The following ADIPOR2 variants were observed in gnomAD, a reference collection of about 807,000 sequenced individuals.
ADIPOR2 encodes the protein adiponectin receptor 2.
Under a neutral mutation model 40.9 loss-of-function variants are expected in ADIPOR2, and 18 were observed. That is an observed-to-expected ratio of 0.44 (90% CI 0.30 to 0.65). The LOEUF (loss-of-function observed/expected upper bound fraction) is 0.65, where lower values mean the gene tolerates loss of function less well. Ranked by LOEUF, ADIPOR2 falls within the 30% of genes least tolerant of loss-of-function variation. The pLI is 0.09. For missense variants in ADIPOR2, 283 were observed against 479.2 expected (o/e 0.59, Z 3.82); for synonymous variants, 165 against 166.4 (o/e 0.99, Z 0.06).
rs144149833 is a variant in ADIPOR2, at chr12:1,774,304, C to T, written c.291+1343C>T. The stretch of plus-strand genomic sequence containing the variant: ...ACAAATAAAACTCTAAATTTAACAG[C>T]AAATCAGAGAATAAATAGGGCAGGA... On this transcript the variant is annotated intron_variant, in intron 3 of 7. Coordinates refer to ENST00000357103, the MANE Select transcript of ADIPOR2 (RefSeq NM_024551.3). 3.9e-4 allele frequency among the ~76,000 whole-genome samples: 59 copies of T among 152,254 alleles called. No homozygotes were observed. The East Asian group carries it at 6.8e-3, about 17-fold the overall frequency.
chr12:1,710,661 C>T (rs564961901), intron 1 of ADIPOR2, among the ~76,000 whole-genome samples: 5 of 151,980 alleles, frequency 3.3e-5, no homozygotes, highest in Non-Finnish European at 7.3e-5. Flanking sequence ...TTCCTCTTTG[C>T]CTGTACTTCT....
At chr12:1,749,749 A>G (rs911126827) in intron 1 of ADIPOR2, among the ~76,000 whole-genome samples, 5 of 152,108 alleles carry the variant, frequency 3.3e-5, no homozygotes, top group East Asian at 3.8e-4. Context: ...GTATTAACCT[A>G]TAGAACAATT....
chr12:1,755,371 C>T lies in ADIPOR2; in HGVS notation c.171+857C>T, dbSNP rs185039844. 7.3e-4 allele frequency among the ~76,000 whole-genome samples: 111 copies of T among 152,256 alleles called. 1 individual carries two copies. The highest frequency in any genetic ancestry group is 2.4e-3 in the African/African-American group (101 of 41,536). On this transcript the variant is annotated intron_variant, in intron 2 of 7. Transcript: ENST00000357103. ...GATTATAGACGTGAACGACTGCGCC[C>T]GGCCTCTGCTGACTCTTAAAAGCGT...
chr12:1,774,141 TGAA>T (rs1862541115), intron 3 of ADIPOR2, among the ~76,000 whole-genome samples: 1 of 152,192 alleles, frequency 6.6e-6, no homozygotes. Flanking sequence ...AAATTTGGTG[TGAA>T]GAAATCTCTC....
At chr12:1,741,690 G>A (rs2154442936) in intron 1 of ADIPOR2, among the ~76,000 whole-genome samples, 1 of 152,296 alleles carries the variant, frequency 6.6e-6, no homozygotes, top group African/African-American at 2.4e-5. Flanking sequence ...TTCATAGTTT[G>A]CCATAGAGAA....
chr12:1,763,183 C>T (rs1005604113), intron 2 of ADIPOR2, among the ~76,000 whole-genome samples: 1 of 152,158 alleles, frequency 6.6e-6, no homozygotes, highest in Non-Finnish European at 1.5e-5. Flanking sequence ...AAACTAAATA[C>T]TTTAAAATTG....
At chr12:1,695,959 C>T (rs1041609365) in intron 1 of ADIPOR2, 8 of 152,338 alleles carry the variant, frequency 5.3e-5, no homozygotes, top group African/African-American at 1.9e-4. Flanking sequence ...CATCAAAGTT[C>T]TTCTTTTTTC....
At position 1,754,356 on chromosome 12, in the gene ADIPOR2, A is replaced by G; in HGVS notation, c.13A>G (p.Thr5Ala). 6.2e-7 allele frequency: 1 copy of G among 1,607,776 alleles called. No homozygotes were observed. Among genetic ancestry groups the G allele is most frequent in the Non-Finnish European group, 8.5e-7 (1 of 1,177,560 alleles). MNEPTENRLGCSRTP... is the reference protein window; with the variant it reads MNEPAENRLGCSRTP... ...GCTTGGGTATCCCATGAACGAGCCAACAGAAAACCGATTGGGGTGCAGCAG... is the reference window on the plus strand; with the variant it reads ...GCTTGGGTATCCCATGAACGAGCCAGCAGAAAACCGATTGGGGTGCAGCAG... Residue 5 changes from threonine (T) to alanine (A), a missense_variant, in exon 2 of 8, where the codon ACA becomes GCA. Physicochemically the swap from Thr to Ala is moderately conservative, Grantham distance 58. Transcript: ENST00000357103.
At chr12:1,703,863 GC>G (rs2094656044) in intron 1 of ADIPOR2, among the ~76,000 whole-genome samples, 1 of 151,970 alleles carries the variant, frequency 6.6e-6, no homozygotes, top group Non-Finnish European at 1.5e-5. Context: ...AGAGGCATGT[GC>G]CACCACACAT....
In ADIPOR2 at chr12:1,786,636, T is replaced by C. The variant is rs936305835; in HGVS notation, c.*564T>C. 6 of 153,048 alleles carry C rather than the reference T, an allele frequency of 3.9e-5. No homozygotes were observed. Among genetic ancestry groups the C allele is most frequent in the African/African-American group, 1.4e-4 (6 of 41,444 alleles). The allele number at this position is 153,048 out of a possible 1,614,324, so 9.5% of individuals were successfully genotyped here. A position where few individuals can be genotyped will look rare whatever the true frequency, so the allele number is the denominator to read the frequency against. On this transcript the variant is annotated 3_prime_UTR_variant, in exon 8 of 8. Transcript: ENST00000357103. ...AGGGAGGGAGAATTTTTGTATAGAA[T>C]GAAACATGCAAGTACCACACACTGT...
chr12:1,778,182 A>G (rs1417734224), intron 4 of ADIPOR2, 157 bp downstream of exon 4: 3 of 841,444 alleles, frequency 3.6e-6, no homozygotes, highest in Admixed American at 7.0e-5. Flanking sequence ...GTTTACTCGT[A>G]GTTTATCCTG....
At chr12:1,695,097 C>G (rs993755629) in intron 1 of ADIPOR2, among the ~76,000 whole-genome samples, 1 of 151,142 alleles carries the variant, frequency 6.6e-6, no homozygotes, top group Admixed American at 6.6e-5. Flanking sequence ...GGCTCTGCAG[C>G]CTCGACCTCC....
intron 1 of ADIPOR2, among the ~76,000 whole-genome samples, chr12:1,735,669 A>G (rs1184857015): frequency 3.3e-5 from 5 of 152,190 alleles, no homozygotes; most frequent in Non-Finnish European, 5.9e-5. Context: ...TCCCTGTCTT[A>G]TGCCAGTTTT....
intron 1 of ADIPOR2, among the ~76,000 whole-genome samples, chr12:1,737,841 G>A (rs770529776): frequency 1.1e-4 from 16 of 152,144 alleles, no homozygotes; most frequent in Non-Finnish European, 2.2e-4. Context: ...CGGAGCCACT[G>A]CGCCTGGCCC....
At position 1,740,259 on chromosome 12, in the gene ADIPOR2, C is replaced by G. The variant is rs543354221; in HGVS notation, c.-86-13999C>G. 7.9e-5 allele frequency among the ~76,000 whole-genome samples: 12 copies of G among 152,290 alleles called. No homozygotes were observed. In the East Asian group the frequency reaches 2.1e-3, roughly 27 times the overall value. ...ATTGAAAGCCAAGTGTATTGATTTG[C>G]TAGGCCTGCCATAAAGTACTGCAGA... On this transcript the variant is annotated intron_variant, in intron 1 of 7. Coordinates refer to ENST00000357103, the MANE Select transcript of ADIPOR2 (RefSeq NM_024551.3).
chr12:1,780,801 G>A (rs915604361), intron 5 of ADIPOR2, 88 bp from the exon 6 acceptor site: 1 of 1,397,904 alleles, frequency 7.2e-7, no homozygotes, highest in African/African-American at 1.5e-5. Flanking sequence ...GTCGTTGATG[G>A]CTTATGTCAT....
At chr12:1,711,801 A>C (rs918944291) in intron 1 of ADIPOR2, among the ~76,000 whole-genome samples, 1 of 151,814 alleles carries the variant, frequency 6.6e-6, no homozygotes, top group African/African-American at 2.4e-5. Context: ...TCCTTTCAGC[A>C]GTGTAAGACT....
Position 1,757,693 on chromosome 12 carries a change from C to T in ADIPOR2, c.171+3179C>T, listed in dbSNP as rs941280626. On this transcript the variant is annotated intron_variant, in intron 2 of 7. Transcript: ENST00000357103. ...AGGTGTAATAGGATGTACAGCAAAGCGACCCTTGGTGTCATAGATGAGACG... is the reference window on the plus strand; with the variant it reads ...AGGTGTAATAGGATGTACAGCAAAGTGACCCTTGGTGTCATAGATGAGACG... 132 of 1,319,186 alleles carry T rather than the reference C, an allele frequency of 1.0e-4. No individual in the cohort carries two copies. The East Asian group carries it at 2.7e-3, about 27-fold the overall frequency. 81.7% of individuals were successfully genotyped at this position (1,319,186 alleles called of 1,614,324 possible). A position where few individuals can be genotyped will look rare whatever the true frequency, so the allele number is the denominator to read the frequency against.
At chr12:1,732,240 A>G (rs1181343589) in intron 1 of ADIPOR2, among the ~76,000 whole-genome samples, 1 of 152,134 alleles carries the variant, frequency 6.6e-6, no homozygotes, top group Non-Finnish European at 1.5e-5. Flanking sequence ...GTGGGTTTTG[A>G]CACATGTATG....
Sources: gnomAD v4.1 joint callset for allele counts (sites outside exome capture counted in the v4.1 genomes callset) on GRCh38, gnomAD v4.1.1 for gene constraint, MANE v1.5 for transcripts, NCBI Gene and HGNC (gene_info 2026-07-23, HGNC 2026-07-21) for gene names.